Variants in CYP4F11 observed in about 807,000 individuals in gnomAD.
CYP4F11 encodes cytochrome P450 4F11.
In CYP4F11, 79 loss-of-function variants were observed where a neutral mutation model predicts 62.2. The ratio of observed to expected loss-of-function variants is 1.27; its 90% CI spans 1.06 to 1.53. CYP4F11 has a LOEUF of 1.53. Ranked by LOEUF, CYP4F11 falls within the 40% of genes most tolerant of loss-of-function variation. CYP4F11 has a pLI of 0.00. For synonymous variants in CYP4F11, 290 were observed against 263.7 expected (o/e 1.10, Z -0.97); for missense variants, 777 against 680.5 (o/e 1.14, Z -1.58).
Position 15,934,197 on chromosome 19 carries a change from G to A in CYP4F11, c.198+14C>T. 1 of 1,612,980 alleles carries A rather than the reference G, an allele frequency of 6.2e-7. No homozygotes were observed. Among genetic ancestry groups the A allele is most frequent in the African/African-American group, 1.3e-5 (1 of 74,954 alleles). ...CATCCTGAGACCCCAGACCCGTCCTGCTGACAAACTCACCAGGCCCTGGTG... is the reference window on the plus strand; with the variant it reads ...CATCCTGAGACCCCAGACCCGTCCTACTGACAAACTCACCAGGCCCTGGTG... On this transcript the variant is annotated intron_variant, in intron 1 of 11. Coordinates refer to ENST00000402119, the MANE Select transcript of CYP4F11 (RefSeq NM_021187.4).
At chr19:15,930,315 G>A (rs1029516011) in intron 1 of CYP4F11, among the ~76,000 whole-genome samples, 2 of 152,168 alleles carry the variant, frequency 1.3e-5, no homozygotes, top group African/African-American at 4.8e-5. Context: ...TAATGGCCGG[G>A]CGTGGTGGCT....
At chr19:15,914,251 T>C in intron 11 of CYP4F11, 54 bp downstream of exon 11, 1 of 1,569,814 alleles carries the variant, frequency 6.4e-7, no homozygotes, top group Non-Finnish European at 8.7e-7. Flanking sequence ...TTCCCCCTTT[T>C]TGGACCCCTG....
intron 8 of CYP4F11, among the ~76,000 whole-genome samples, chr19:15,916,466 A>G (rs1429909318): frequency 6.6e-6 from 1 of 152,192 alleles, no homozygotes; most frequent in Non-Finnish European, 1.5e-5. Context: ...AACCAAAGAA[A>G]CAATCAGCAG....
intron 8 of CYP4F11, 61 bp downstream of exon 8, chr19:15,921,976 G>C: frequency 2.7e-6 from 4 of 1,479,758 alleles, no homozygotes; most frequent in Non-Finnish European, 3.6e-6. Context: ...CCCTCCCTCT[G>C]CCCACCTGAG....
At chr19:15,934,761 T>G, upstream of CYP4F11, 1 of 227,736 alleles carries the variant, frequency 4.4e-6, no homozygotes, top group Non-Finnish European at 8.5e-6. Context: ...CCCCTCCCCA[T>G]CCCAGGCCAG....
rs529314594 is a variant in CYP4F11 at position 15,925,084 on chromosome 19, T to C, written c.526-202A>G. Among the ~76,000 whole-genome samples, 8 of 152,242 alleles carry C rather than the reference T, an allele frequency of 5.3e-5. No homozygotes were observed. The East Asian group carries it at 1.5e-3, about 29-fold the overall frequency. On this transcript the variant is annotated intron_variant, in intron 4 of 11. Transcript: ENST00000402119. ...AGACTCATGGCTGGGAGTCGAGAGA[T>C]CTGGGTTCAAGTCCCAGTTCAGCCT...
chr19:15,914,445 C>A (rs1021580108), intron 10 of CYP4F11, 58 bp from the exon 11 acceptor site: 27 of 1,576,458 alleles, frequency 1.7e-5, no homozygotes, highest in Admixed American at 8.6e-5. Flanking sequence ...GTGGGGTCTC[C>A]CAGTTGTCTC....
Position 15,922,431 on chromosome 19 carries a change from C to T in CYP4F11, c.919-1G>A. 6.2e-7 allele frequency: 1 copy of T among 1,614,078 alleles called. No homozygotes were observed. The highest frequency in any genetic ancestry group is 8.5e-7 in the Non-Finnish European group (1 of 1,179,986). On this transcript the variant is annotated splice_acceptor_variant, in intron 6 of 11. Coordinates refer to ENST00000402119, the MANE Select transcript of CYP4F11 (RefSeq NM_021187.4). LOFTEE classifies it high-confidence loss of function. ...CAGACAATTCCTTCCCATCTTCATC[C>T]TGGAGAGAAGGCAAGACAATATCCC... is the stretch of plus-strand genomic sequence containing the variant.
rs1392731554 is a variant in CYP4F11 at position 15,922,145 on chromosome 19, C to A, written c.1007G>T (p.Gly336Val). ...AAGGTGGTATAGGACCCAGGAGAGA[C>A]CACTGGCTGTAGTGTCATGGCCTGA... The part of the protein sequence containing the change: ...MFEGHDTTAS[G>V]LSWVLYHLAK... Residue 336 changes from glycine to valine, a missense_variant, in exon 8 of 12, where the codon GGT becomes GTT. By Grantham distance (109) the Gly-to-Val change is moderately radical. Transcript: ENST00000402119. 1.2e-6 allele frequency: 2 copies of A among 1,613,056 alleles called. No homozygotes were observed. Among genetic ancestry groups the A allele is most frequent in the South Asian group, 2.2e-5 (2 of 90,964 alleles).
chr19:15,913,728 A>G lies in CYP4F11; in HGVS notation c.*4T>C, dbSNP rs1060467. 0.39 allele frequency: 622,683 copies of G among 1,612,258 alleles called. 125,246 individuals carry two copies. Among genetic ancestry groups the G allele is most frequent in the Non-Finnish European group, 0.42 (491,115 of 1,178,840 alleles). On this transcript the variant is annotated 3_prime_UTR_variant, in exon 12 of 12. Coordinates refer to ENST00000402119, the MANE Select transcript of CYP4F11 (RefSeq NM_021187.4). ...CTACAGAGGTGGGTGGGTGGGTAGGACAGTCACTGTGAGTTCGCACCCAGG... is the reference window on the plus strand; with the variant it reads ...CTACAGAGGTGGGTGGGTGGGTAGGGCAGTCACTGTGAGTTCGCACCCAGG...
chr19:15,929,517 T>G lies in CYP4F11; in HGVS notation c.283A>C (p.Thr95Pro). Residue 95 changes from threonine to proline, a missense_variant, in exon 2 of 12, where the codon ACC becomes CCC. Physicochemically the swap from Thr to Pro is conservative, Grantham distance 38. Coordinates refer to ENST00000402119, the MANE Select transcript of CYP4F11 (RefSeq NM_021187.4). ...TGGCATAAAATGAGGAGGGGGAAGG[T>G]AGGACCCAGCCACAACTTAAAGCCC... is the stretch of plus-strand genomic sequence containing the variant. Reference protein sequence around the residue: ...PQGFKLWLGPTFPLLILCHPD... With the variant: ...PQGFKLWLGPPFPLLILCHPD... 1.2e-6 allele frequency: 2 copies of G among 1,604,768 alleles called. No homozygotes were observed. Among genetic ancestry groups the G allele is most frequent in the Non-Finnish European group, 8.5e-7 (1 of 1,172,640 alleles).
chr19:15,931,525 C>CAGAGGAATCAGTGAGTGAGG (rs1568257170), intron 1 of CYP4F11, among the ~76,000 whole-genome samples: 3 of 138,008 alleles, frequency 2.2e-5, no homozygotes, highest in Non-Finnish European at 4.7e-5. Context: ...GATGGCACAT[C>CAGAGGAATCAGTGAGTGAGG]AGAGGAATGA....
Position 15,927,227 on chromosome 19 carries a change from A to G in CYP4F11, c.510T>C (p.Ser170=), listed in dbSNP as rs1377240022. 1.2e-6 allele frequency: 2 copies of G among 1,613,990 alleles called. No homozygotes were observed. The highest frequency in any genetic ancestry group is 1.7e-6 in the Non-Finnish European group (2 of 1,179,964). The change falls in exon 4 of 12, where the codon AGT becomes AGC. Residue 170 remains serine (S), a synonymous_variant. Transcript: ENST00000402119. ...AGGGACTCACGTGCATGATGTTCACACTCTTGTTGAAAATCTTCATATAAG... is the reference window on the plus strand; with the variant it reads ...AGGGACTCACGTGCATGATGTTCACGCTCTTGTTGAAAATCTTCATATAAG... ...LKPYMKIFNK[S]VNIMHDKWQR... is the part of the protein sequence containing the mutation.
intron 4 of CYP4F11, among the ~76,000 whole-genome samples, chr19:15,925,729 T>TACACAC (rs61395286): frequency 0.083 from 11,809 of 142,784 alleles, 609 homozygotes; most frequent in African/African-American, 0.14. Context: ...TACATATATG[T>TACACAC]ACACACACAC....
intron 4 of CYP4F11, 121 bp from the exon 5 acceptor site, chr19:15,925,003 TC>T (rs2145049538): frequency 8.5e-7 from 1 of 1,177,934 alleles, no homozygotes; most frequent in Non-Finnish European, 1.1e-6. Context: ...CAGGTACCCA[TC>T]CCCAGGAAGG....
In CYP4F11 at chr19:15,929,508, G is replaced by A. The variant is rs765657481; in HGVS notation, c.292C>T (p.Leu98Phe). Residue 98 changes from leucine to phenylalanine, a missense_variant, in exon 2 of 12, where the codon CTC becomes TTC. Physicochemically the swap from Leu to Phe is conservative, Grantham distance 22 (BLOSUM62 0). Coordinates refer to ENST00000402119, the MANE Select transcript of CYP4F11 (RefSeq NM_021187.4). ...ATGTCAGGGTGGCATAAAATGAGGA[G>A]GGGGAAGGTAGGACCCAGCCACAAC... ...FKLWLGPTFP[L>F]LILCHPDIIR... The A allele has an allele frequency of 6.2e-7, 1 of 1,614,034 alleles. No homozygotes were observed. The highest frequency in any genetic ancestry group is 8.5e-7 in the Non-Finnish European group (1 of 1,179,930).
At position 15,922,412 on chromosome 19, in the gene CYP4F11, A is replaced by G. The variant is rs746604840; in HGVS notation, c.937T>C (p.Leu313=). The part of the protein sequence containing the change: ...LLSKDEDGKE[L]SDEDIRAEAD... ...TCTGCTCTTATGTCCTCATCAGACA[A>G]TTCCTTCCCATCTTCATCCTGGAGA... The change falls in exon 7 of 12, where the codon TTG becomes CTG. Residue 313 remains leucine, a synonymous_variant. Coordinates refer to ENST00000402119, the MANE Select transcript of CYP4F11 (RefSeq NM_021187.4). 5.6e-6 allele frequency: 9 copies of G among 1,613,984 alleles called. No homozygotes were observed. In the South Asian group the frequency reaches 7.7e-5, roughly 14 times the overall value.
Position 15,924,049 on chromosome 19 carries a change from C to A in CYP4F11, c.681G>T (p.Glu227Asp). Residue 227 changes from glutamate to aspartate, a missense_variant, in exon 6 of 12, where the codon GAG (glutamate) becomes GAT (aspartate). By Grantham distance (45) the Glu-to-Asp change is conservative (BLOSUM62 2). Transcript: ENST00000402119. Reference protein sequence around the residue: ...KPSEYIAAILELSAFVEKRNQ... With the variant: ...KPSEYIAAILDLSAFVEKRNQ... ...TTCTCTTTTCTACAAAGGCACTGAG[C>A]TCCAAGATGGCGGCAATATATTCAC... 6.2e-7 allele frequency: 1 copy of A among 1,614,102 alleles called. No individual in the cohort carries two copies. The highest frequency in any genetic ancestry group is 8.5e-7 in the Non-Finnish European group (1 of 1,179,962).
rs893800593 is a variant in CYP4F11 at position 15,913,434 on chromosome 19, T to C, written c.*298A>G. On this transcript the variant is annotated 3_prime_UTR_variant, in exon 12 of 12. Transcript: ENST00000402119. ...CAGTCTTGCTCCTTAAACCCATTCT[T>C]AATCCTGTTCCCTCTCCTGCTCAAA... 1 of 420,706 alleles carries C rather than the reference T, an allele frequency of 2.4e-6. No individual in the cohort carries two copies. The allele number at this position is 420,706 out of a possible 1,614,324, so 26.1% of individuals were successfully genotyped here.
Sources: gnomAD v4.1 joint callset for allele counts (sites outside exome capture counted in the v4.1 genomes callset) on GRCh38, gnomAD v4.1.1 for gene constraint, MANE v1.5 for transcripts, NCBI Gene and HGNC (gene_info 2026-07-23, HGNC 2026-07-21) for gene names.